PCDH15: variants seen among roughly 807,000 people sequenced by gnomAD.
The protein encoded by PCDH15 is protocadherin-15.
PCDH15 carries 129 observed loss-of-function variants against 178.5 expected under a neutral mutation model. The observed-to-expected ratio is 0.72, with a 90% CI of 0.63 to 0.84. The LOEUF is 0.84. Among genes scored for constraint, PCDH15 ranks in the 40% least tolerant of loss-of-function variants. The pLI is 0.00. For synonymous variants in PCDH15, 800 were observed against 732.0 expected, an observed-to-expected ratio of 1.09 and a Z score of -1.50; for missense variants, 2,230 against 2,099.9, an observed-to-expected ratio of 1.06 and a Z score of -1.21.
chr10:54,156,635 C>A (rs2045180543), intron 13 of PCDH15, among the ~76,000 whole-genome samples: 1 of 152,216 alleles, frequency 6.6e-6, no homozygotes, highest in South Asian at 2.1e-4. Context: ...CATTCCAACC[C>A]TGGCCCCTCC....
chr10:54,051,296 A>C (rs887667852), intron 18 of PCDH15, among the ~76,000 whole-genome samples: 4 of 152,302 alleles, frequency 2.6e-5, no homozygotes, highest in African/African-American at 4.8e-5. Flanking sequence ...TAAAAATGTG[A>C]GAAAGTTTGG....
intron 2 of PCDH15, among the ~76,000 whole-genome samples, chr10:55,091,014 T>C (rs188163759): frequency 6.6e-6 from 1 of 152,176 alleles, no homozygotes; most frequent in Non-Finnish European, 1.5e-5. Flanking sequence ...AGATACTGTT[T>C]ACTTTATGAC....
At chr10:55,413,084 T>C (rs1490826681) in intron 2 of PCDH15, among the ~76,000 whole-genome samples, 2 of 151,874 alleles carry the variant, frequency 1.3e-5, no homozygotes, top group Non-Finnish European at 2.9e-5. Flanking sequence ...TAGTTTAGTT[T>C]GTAAAACACA....
intron 1 of PCDH15, among the ~76,000 whole-genome samples, chr10:55,170,338 C>A (rs551017190): frequency 6.6e-6 from 1 of 151,836 alleles, no homozygotes; most frequent in South Asian, 2.1e-4. Flanking sequence ...ATTGCAGAGA[C>A]AAGTCTTGAT....
chr10:54,542,295 A>C (rs957069268), intron 2 of PCDH15, among the ~76,000 whole-genome samples: 7 of 152,176 alleles, frequency 4.6e-5, no homozygotes, highest in Non-Finnish European at 1.5e-5. Context: ...TGTTAGACAT[A>C]GCAGGAAAAA....
chr10:54,723,592 T>A (rs1187791826), intron 1 of PCDH15, among the ~76,000 whole-genome samples: 1 of 151,324 alleles, frequency 6.6e-6, no homozygotes, highest in East Asian at 1.9e-4. Context: ...AATAAATAAT[T>A]AACAGATTAA....
At chr10:55,534,656 C>T (rs1050728055) in intron 2 of PCDH15, among the ~76,000 whole-genome samples, 3 of 151,516 alleles carry the variant, frequency 2.0e-5, no homozygotes, top group Non-Finnish European at 4.4e-5. Flanking sequence ...TGGTAAGCAG[C>T]TATTTCTCAA....
At chr10:54,877,334 TC>T (rs1343519255) in intron 3 of PCDH15, among the ~76,000 whole-genome samples, 1 of 152,134 alleles carries the variant, frequency 6.6e-6, no homozygotes, top group African/African-American at 2.4e-5. Flanking sequence ...GTATACTTTT[TC>T]CCCCAAATAT....
chr10:55,196,299 A>G (rs1314735100), intron 1 of PCDH15, among the ~76,000 whole-genome samples: 2 of 152,080 alleles, frequency 1.3e-5, no homozygotes, highest in Non-Finnish European at 2.9e-5. Flanking sequence ...AAATAAACAT[A>G]TTAAAATGTA....
chr10:55,010,382 G>A lies in PCDH15; in HGVS notation c.-79-112882C>T, dbSNP rs1261581088. 2.6e-5 allele frequency among the ~76,000 whole-genome samples: 4 copies of A among 152,064 alleles called. No homozygotes were observed. In the East Asian group the frequency reaches 7.7e-4, roughly 29 times the overall value. On this transcript the variant is annotated intron_variant, in intron 2 of 5. Coordinates refer to the PCDH15 transcript ENST00000458638. ...GAGCTCATGGAAATTCCTTTCCAGT[G>A]GGTGATTTAAACAATAGAGAAGCCC...
chr10:55,378,565 A>G (rs547465959), intron 2 of PCDH15, among the ~76,000 whole-genome samples: 1 of 152,280 alleles, frequency 6.6e-6, no homozygotes, highest in South Asian at 2.1e-4. Context: ...TTTGATTCAC[A>G]CCATGAATTA....
chr10:54,085,633 T>C (rs2094503324), intron 16 of PCDH15, among the ~76,000 whole-genome samples: 1 of 152,154 alleles, frequency 6.6e-6, no homozygotes, highest in South Asian at 2.1e-4. Context: ...ACTTAATACA[T>C]GACACTGAAT....
chr10:54,551,616 C>G lies in PCDH15; in HGVS notation c.92-23739G>C, dbSNP rs1001006230. 6.6e-5 allele frequency among the ~76,000 whole-genome samples: 10 copies of G among 151,834 alleles called. No individual in the cohort carries two copies. The East Asian group carries it at 1.9e-3, about 29-fold the overall frequency. On this transcript the variant is annotated intron_variant, in intron 2 of 37. Coordinates refer to ENST00000644397, the MANE Select transcript of PCDH15 (RefSeq NM_001384140.1). The stretch of plus-strand genomic sequence containing the variant: ...TCCCAACATTCTGAATAATACATAC[C>G]CTTTTCTCTTGAAAAATATGTATAT...
At chr10:54,656,216 A>T (rs2094403143) in intron 2 of PCDH15, among the ~76,000 whole-genome samples, 2 of 152,112 alleles carry the variant, frequency 1.3e-5, no homozygotes, top group Admixed American at 6.5e-5. Context: ...TCTGAATGAA[A>T]CACAGTCAGA....
At chr10:55,357,334 C>T (rs956292661) in intron 2 of PCDH15, among the ~76,000 whole-genome samples, 1 of 151,532 alleles carries the variant, frequency 6.6e-6, no homozygotes, top group Non-Finnish European at 1.5e-5. Flanking sequence ...ATTGGCCAAA[C>T]TTTTTAACAG....
At chr10:53,838,242 T>G (rs988021139) in intron 29 of PCDH15, among the ~76,000 whole-genome samples, 1 of 152,118 alleles carries the variant, frequency 6.6e-6, no homozygotes, top group Non-Finnish European at 1.5e-5. Context: ...CCCAAAGTGC[T>G]GGGATTACAG....
At chr10:55,453,930 C>T (rs9633612) in intron 2 of PCDH15, among the ~76,000 whole-genome samples, 6 of 151,784 alleles carry the variant, frequency 4.0e-5, no homozygotes, top group African/African-American at 1.5e-4. Context: ...TCATTTTCAC[C>T]CCTTCACATC....
chr10:54,134,893 A>C (rs1232225439), intron 14 of PCDH15, among the ~76,000 whole-genome samples: 1 of 152,054 alleles, frequency 6.6e-6, no homozygotes, highest in South Asian at 2.1e-4. Context: ...AATAGTAAGC[A>C]TAAAAGCTAC....
intron 1 of PCDH15, among the ~76,000 whole-genome samples, chr10:54,686,364 T>C (rs1266227947): frequency 6.6e-6 from 1 of 152,122 alleles, no homozygotes; most frequent in Non-Finnish European, 1.5e-5. Flanking sequence ...TAGATCCTTT[T>C]TAAAGAAAGC....
Sources: allele counts gnomAD v4.1 joint callset (sites outside exome capture counted in the v4.1 genomes callset), GRCh38; gene constraint gnomAD v4.1.1; transcripts MANE v1.5; gene names NCBI Gene and HGNC (gene_info 2026-07-23, HGNC 2026-07-21).